PCDHGA8: variants seen among roughly 807,000 people sequenced by gnomAD.
PCDHGA8 encodes the protein protocadherin gamma subfamily A, 8, also known as protocadherin gamma-A8.
A neutral mutation model predicts 59.2 loss-of-function variants in PCDHGA8; 45 were observed. That is an observed-to-expected ratio of 0.76 (90% confidence interval 0.60 to 0.98). The LOEUF (loss-of-function observed/expected upper bound fraction) is 0.98. Ranked by LOEUF, PCDHGA8 falls within the 50% of genes least tolerant of loss-of-function variation. PCDHGA8 has a pLI of 0.00. For synonymous variants in PCDHGA8, 531 were observed against 519.0 expected (o/e 1.02, Z -0.32); for missense variants, 1,257 against 1,196.2 (o/e 1.05, Z -0.75).
In PCDHGA8 at chr5:141,431,118, A is replaced by T. The variant is rs2097344347; in HGVS notation, c.2424+35881A>T. On this transcript the variant is annotated intron_variant, in intron 1 of 3. Coordinates refer to ENST00000398604, the MANE Select transcript of PCDHGA8 (RefSeq NM_032088.2). This position sits in a 1 kb window ranked among gnomAD's most constrained non-coding sequence, Gnocchi z 4.8. ...GATAAAGTGAAAATATATGGAGTAG[A>T]AGTAGAAGTAAGGGACATTAACGAC... is the stretch of plus-strand genomic sequence containing the variant. The T allele has an allele frequency of 6.2e-7, 1 of 1,614,182 alleles. No homozygotes were observed. Among genetic ancestry groups the T allele is most frequent in the African/African-American group, 1.3e-5 (1 of 75,070 alleles).
At chr5:141,423,674 C>T (rs57195665) in intron 1 of PCDHGA8, 3 of 1,514,742 alleles carry the variant, frequency 2.0e-6, no homozygotes, top group African/African-American at 1.5e-5. Context: ...AGATTTATTT[C>T]TCTGCCTCCT....
At chr5:141,470,165 G>C (rs559578238) in intron 1 of PCDHGA8, among the ~76,000 whole-genome samples, 1 of 152,276 alleles carries the variant, frequency 6.6e-6, no homozygotes, top group Non-Finnish European at 1.5e-5. Context: ...TCAAATCAAA[G>C]TATGCAAAAT....
Position 141,490,900 on chromosome 5 carries a change from G to A in PCDHGA8, c.2425-3907G>A, listed in dbSNP as rs2099705863. 2 of 1,613,796 alleles carry A rather than the reference G, an allele frequency of 1.2e-6. No individual in the cohort carries two copies. The highest frequency in any genetic ancestry group is 2.7e-5 in the African/African-American group (2 of 75,050). ...TGCCAACACATCTCTGCATGTGTTT[G>A]TCCTAGACGAGAATGATAATGCCCC... On this transcript the variant is annotated intron_variant, in intron 1 of 3. Transcript: ENST00000398604. The surrounding 1 kb of genome is among the most constrained non-coding windows in gnomAD (Gnocchi z 5.4).
At chr5:141,406,650 C>T (rs2094835563) in intron 1 of PCDHGA8, among the ~76,000 whole-genome samples, 1 of 152,130 alleles carries the variant, frequency 6.6e-6, no homozygotes, top group Non-Finnish European at 1.5e-5. Context: ...TTTCCTAATG[C>T]TTTAATGTTA....
At chr5:141,430,715 A>T in intron 1 of PCDHGA8, 1 of 1,483,384 alleles carries the variant, frequency 6.7e-7, no homozygotes, top group Non-Finnish European at 8.9e-7. Context: ...TCCTGACTTC[A>T]GTGGTTAAGG....
intron 1 of PCDHGA8, among the ~76,000 whole-genome samples, chr5:141,457,440 A>C (rs188608086): frequency 1.3e-5 from 2 of 152,334 alleles, no homozygotes; most frequent in African/African-American, 4.8e-5. Flanking sequence ...ACCAAGCTGC[A>C]GAAGATCACC....
Position 141,511,908 on chromosome 5 carries a change from A to T in PCDHGA8, c.*735A>T, listed in dbSNP as rs528200582. The T allele has an allele frequency of 4.5e-5, 7 of 156,536 alleles. No homozygotes were observed. The highest frequency in any genetic ancestry group is 1.9e-4 in the East Asian group (1 of 5,250). The allele number at this position is 156,536 out of a possible 1,614,324, so 9.7% of individuals were successfully genotyped here. A position where few individuals can be genotyped will look rare whatever the true frequency, so the allele number is the denominator to read the frequency against. On this transcript the variant is annotated 3_prime_UTR_variant, in exon 4 of 4. Transcript: ENST00000398604. ...GACTTCCCCCACCTCCTCCTCAAAC[A>T]AGAGACTCCACTGCATGTTCCAAGA...
In PCDHGA8 at chr5:141,476,255, G is replaced by A. The variant is rs767691159; in HGVS notation, c.2425-18552G>A. 6.2e-7 allele frequency: 1 copy of A among 1,614,090 alleles called. No individual in the cohort carries two copies. Among genetic ancestry groups the A allele is most frequent in the Admixed American group, 1.7e-5 (1 of 60,022 alleles). ...GGAGGAAAGAGAGAAGGGTTTCGCT[G>A]TGGGCAACGTGGTCGCGAACCTTGG... On this transcript the variant is annotated intron_variant, in intron 1 of 3. Transcript: ENST00000398604. The surrounding 1 kb of genome is among the most constrained non-coding windows in gnomAD (Gnocchi z 7.6).
In PCDHGA8 at chr5:141,404,421, C is replaced by G. The variant is rs199749783; in HGVS notation, c.2424+9184C>G. On this transcript the variant is annotated intron_variant, in intron 1 of 3. Coordinates refer to ENST00000398604, the MANE Select transcript of PCDHGA8 (RefSeq NM_032088.2). ...AATGAGAATTCTAGAGTTATTTACT[C>G]CTTGGCAGAGGATACCATCCAAGGG... 462 of 1,613,692 alleles carry G rather than the reference C, an allele frequency of 2.9e-4. 1 individual carries two copies. The African/African-American group carries it at 5.5e-3, about 19-fold the overall frequency.
At position 141,418,763 on chromosome 5, in the gene PCDHGA8, C is replaced by G. The variant is rs914122527; in HGVS notation, c.2424+23526C>G. The stretch of plus-strand genomic sequence containing the variant: ...TCTGGATTACACTACAGGAAACATT[C>G]TAACTCAGCAGCCTTTGGATTTTGA... On this transcript the variant is annotated intron_variant, in intron 1 of 3. Coordinates refer to ENST00000398604, the MANE Select transcript of PCDHGA8 (RefSeq NM_032088.2). 5 of 1,613,728 alleles carry G rather than the reference C, an allele frequency of 3.1e-6. No homozygotes were observed. The Admixed American group carries it at 5.0e-5, about 16-fold the overall frequency.
intron 1 of PCDHGA8, chr5:141,407,933 TG>T: frequency 2.0e-6 from 1 of 505,054 alleles, no homozygotes; most frequent in Non-Finnish European, 3.4e-6. Flanking sequence ...ACGGAGCCTC[TG>T]GGCGCCGCTG....
rs2092850609 is a variant in PCDHGA8 at position 141,393,815 on chromosome 5, C to T, written c.1002C>T (p.Leu334=). The T allele has an allele frequency of 6.2e-7, 1 of 1,613,922 alleles. No homozygotes were observed. Among genetic ancestry groups the T allele is most frequent in the Non-Finnish European group, 8.5e-7 (1 of 1,179,890 alleles). Residue 334 remains leucine, a synonymous_variant, in exon 1 of 4, where the codon CTC becomes CTT. Transcript: ENST00000398604. Reference sequence around the variant, plus strand: ...CACTTCTGGGGAGGACCAAATTGCTCATTTCGGTGGAAGATGTAAATGACA... The same window carrying T: ...CACTTCTGGGGAGGACCAAATTGCTTATTTCGGTGGAAGATGTAAATGACA... ...VGALLGRTKL[L]ISVEDVNDNR... is the part of the protein sequence containing the mutation.
chr5:141,414,942 C>T, intron 1 of PCDHGA8: 3 of 1,614,126 alleles, frequency 1.9e-6, no homozygotes, highest in Non-Finnish European at 1.7e-6. Context: ...CAGAGCCCGG[C>T]TACCTGGTGA....
chr5:141,495,873 C>G (rs2099764359), intron 2 of PCDHGA8, among the ~76,000 whole-genome samples: 1 of 152,146 alleles, frequency 6.6e-6, no homozygotes, highest in Admixed American at 6.6e-5. Flanking sequence ...CTGCTTTCCT[C>G]TCTGTTCTTT....
At chr5:141,410,803 C>A in intron 1 of PCDHGA8, 11 of 409,880 alleles carry the variant, frequency 2.7e-5, no homozygotes, top group East Asian at 1.2e-4. Context: ...GTTGCTCTAT[C>A]TTTTTGTAAA....
intron 1 of PCDHGA8, among the ~76,000 whole-genome samples, chr5:141,472,712 G>A (rs1303609397): frequency 1.3e-5 from 2 of 151,972 alleles, no homozygotes; most frequent in Admixed American, 6.6e-5. Flanking sequence ...CAGGCCAGGC[G>A]CTGTGGCTCA....
chr5:141,429,330 T>C (rs2097204620), intron 1 of PCDHGA8, among the ~76,000 whole-genome samples: 1 of 152,188 alleles, frequency 6.6e-6, no homozygotes, highest in East Asian at 1.9e-4. Flanking sequence ...CTTTAATCCA[T>C]TAACTATAAA....
intron 1 of PCDHGA8, among the ~76,000 whole-genome samples, chr5:141,451,830 G>A (rs940668278): frequency 6.6e-5 from 10 of 151,238 alleles, no homozygotes; most frequent in East Asian, 1.9e-4. Flanking sequence ...ACAGTGAGCC[G>A]AGATCACACC....
intron 1 of PCDHGA8, chr5:141,424,706 T>G (rs752721357): frequency 4.6e-5 from 7 of 152,190 alleles, no homozygotes; most frequent in Non-Finnish European, 8.8e-5. Context: ...TTTGTTCATT[T>G]TCAGTGTAGT....
Sources: allele counts gnomAD v4.1 joint callset (sites outside exome capture counted in the v4.1 genomes callset), GRCh38; gene constraint gnomAD v4.1.1; non-coding constraint Gnocchi (gnomAD v3.1); transcripts MANE v1.5; gene names NCBI Gene and HGNC (gene_info 2026-07-23, HGNC 2026-07-21).